TRPC5: variants seen among roughly 807,000 people sequenced by gnomAD.
The protein encoded by TRPC5 is transient receptor potential cation channel subfamily C member 5, also known as short transient receptor potential channel 5.
In TRPC5, 9 loss-of-function variants were observed where a neutral mutation model predicts 56.5. The observed-to-expected ratio is 0.16, with a 90% CI of 0.10 to 0.28. The LOEUF (loss-of-function observed/expected upper bound fraction) is 0.28, where lower values mean the gene tolerates loss of function less well. Among genes scored for constraint, TRPC5 ranks in the 10% least tolerant of loss-of-function variants. The pLI is 1.00. For synonymous variants in TRPC5, 282 were observed against 278.5 expected, an observed-to-expected ratio of 1.01 and a Z score of -0.13; for missense variants, 469 against 748.9, an observed-to-expected ratio of 0.63 and a Z score of 4.36.
At chrX:111,969,194 T>C (rs1224722764) in intron 1 of TRPC5, among the ~76,000 whole-genome samples, 1 of 111,089 alleles carries the variant, frequency 9.0e-6, no homozygotes, top group African/African-American at 3.3e-5. Context: ...AAAACTCAGA[T>C]AATCGTTAAC....
At chrX:111,787,241 G>C (rs752886474) in intron 7 of TRPC5, among the ~76,000 whole-genome samples, 11 of 111,524 alleles carry the variant, frequency 9.9e-5, no homozygotes, top group Non-Finnish European at 1.9e-4. Context: ...TAGAACTCAG[G>C]GTTAAGAAAA....
chrX:111,875,614 C>T (rs1461013101), intron 3 of TRPC5, among the ~76,000 whole-genome samples: 2 of 97,035 alleles, frequency 2.1e-5, no homozygotes, highest in Non-Finnish European at 4.0e-5. Context: ...AAATCCTTCC[C>T]TTGTGTTGCA....
At chrX:111,785,378 A>G (rs138141963) in intron 7 of TRPC5, among the ~76,000 whole-genome samples, 1,354 of 112,007 alleles carry the variant, frequency 0.012, 11 homozygotes, top group African/African-American at 0.034. Context: ...ATCAACAAAA[A>G]GGTCATCTAT....
intron 2 of TRPC5, among the ~76,000 whole-genome samples, chrX:111,915,408 C>T (rs1285819525): frequency 7.2e-5 from 8 of 111,630 alleles, no homozygotes; most frequent in Non-Finnish European, 1.3e-4. Context: ...TTTTTCTCCT[C>T]CTATCAGTGT....
intron 1 of TRPC5, among the ~76,000 whole-genome samples, chrX:112,017,424 G>A (rs1038585396): frequency 3.6e-5 from 4 of 110,886 alleles, no homozygotes; most frequent in African/African-American, 1.3e-4. Flanking sequence ...ACTATTTTCG[G>A]CCCCAGTGAT....
Position 112,004,834 on chromosome X carries a change from C to T in TRPC5, c.-21-52393G>A, listed in dbSNP as rs142515912. On this transcript the variant is annotated intron_variant, in intron 1 of 10. Transcript: ENST00000262839. ...GGAGGGTAGAGTGCATGGGTAGGGG[C>T]GGCAAAAAATAAACAGGGTCATATT... 2.8e-3 allele frequency among the ~76,000 whole-genome samples: 304 copies of T among 110,430 alleles called. 1 individual carries two copies. The highest frequency in any genetic ancestry group is 9.4e-3 in the African/African-American group (285 of 30,362).
At chrX:111,789,154 A>T (rs752349321) in intron 7 of TRPC5, among the ~76,000 whole-genome samples, 2 of 111,993 alleles carry the variant, frequency 1.8e-5, no homozygotes, top group African/African-American at 6.5e-5. Flanking sequence ...ACACTACCTG[A>T]CTTCAAACTA....
At chrX:111,949,927 A>G (rs762102551) in intron 2 of TRPC5, among the ~76,000 whole-genome samples, 15 of 112,070 alleles carry the variant, frequency 1.3e-4, no homozygotes, top group Non-Finnish European at 2.8e-4. Context: ...CACAATTGCA[A>G]AAACGTGGAA....
chrX:111,916,227 C>T (rs1925972415), intron 2 of TRPC5, among the ~76,000 whole-genome samples: 1 of 111,957 alleles, frequency 8.9e-6, no homozygotes, highest in Non-Finnish European at 1.9e-5. Flanking sequence ...CCTTGGACCT[C>T]TCCTTCCCAT....
chrX:111,787,710 A>G (rs972589523), intron 7 of TRPC5, among the ~76,000 whole-genome samples: 4 of 111,730 alleles, frequency 3.6e-5, no homozygotes, highest in African/African-American at 1.3e-4. Flanking sequence ...AATCGATGCA[A>G]TAAAAAACGA....
intron 2 of TRPC5, among the ~76,000 whole-genome samples, chrX:111,935,396 A>G (rs1926538504): frequency 9.0e-6 from 1 of 111,620 alleles, no homozygotes; most frequent in Admixed American, 9.5e-5. Context: ...TAGTGTGCAA[A>G]TATTTTCTCT....
chrX:111,893,832 A>G (rs1209509207), intron 3 of TRPC5, among the ~76,000 whole-genome samples: 2 of 111,612 alleles, frequency 1.8e-5, no homozygotes, highest in Non-Finnish European at 3.8e-5. Context: ...TAAAGGCAAA[A>G]GTTTGTAGCT....
At chrX:111,903,107 G>A (rs924636476) in intron 3 of TRPC5, 6 of 111,440 alleles carry the variant, frequency 5.4e-5, no homozygotes, top group African/African-American at 2.0e-4. Context: ...TGGGTCACCT[G>A]AACAGATTGT....
intron 3 of TRPC5, among the ~76,000 whole-genome samples, chrX:111,894,006 G>C (rs1398529502): frequency 9.0e-6 from 1 of 111,467 alleles, no homozygotes; most frequent in African/African-American, 3.3e-5. Context: ...TATGTCTGTA[G>C]GTGTTTTTTA....
intron 7 of TRPC5, among the ~76,000 whole-genome samples, chrX:111,816,064 G>A (rs1398005170): frequency 9.0e-6 from 1 of 111,342 alleles, no homozygotes; most frequent in Non-Finnish European, 1.9e-5. Context: ...TAATGAATGA[G>A]AGAGGGAGGG....
chrX:111,967,964 T>C (rs1927651635), intron 1 of TRPC5, among the ~76,000 whole-genome samples: 2 of 110,111 alleles, frequency 1.8e-5, no homozygotes, highest in Admixed American at 1.9e-4. Context: ...AAAGCCAAAA[T>C]TGACAAATGG....
At chrX:111,952,462 A>C (rs755058217) in intron 1 of TRPC5, 21 bp from the exon 2 acceptor site, 2 of 1,168,381 alleles carry the variant, frequency 1.7e-6, no homozygotes, top group East Asian at 6.0e-5. Flanking sequence ...AAACAGAGAA[A>C]GACCAAAATA....
At chrX:111,819,944 A>T (rs1187233775) in intron 7 of TRPC5, among the ~76,000 whole-genome samples, 1 of 112,081 alleles carries the variant, frequency 8.9e-6, no homozygotes, top group Non-Finnish European at 1.9e-5. Flanking sequence ...CTCATCTGTA[A>T]CATTCAGATA....
Position 112,039,018 on chromosome X carries a change from T to G in TRPC5, c.-22+42861A>C, listed in dbSNP as rs1324330812. Among the ~76,000 whole-genome samples the G allele has an allele frequency of 2.7e-5, 3 of 110,271 alleles. No individual in the cohort carries two copies. In the Admixed American group the frequency reaches 2.9e-4, roughly 11 times the overall value. ...GGGGCCTCACTTTTAAGGAAGCACATGAGTTAAAGTGCACAGACTTGGTGC... is the reference window on the plus strand; with the variant it reads ...GGGGCCTCACTTTTAAGGAAGCACAGGAGTTAAAGTGCACAGACTTGGTGC... On this transcript the variant is annotated intron_variant, in intron 1 of 10. Coordinates refer to ENST00000262839, the MANE Select transcript of TRPC5 (RefSeq NM_012471.3).
Sources: allele counts gnomAD v4.1 joint callset (sites outside exome capture counted in the v4.1 genomes callset), GRCh38; gene constraint gnomAD v4.1.1; transcripts MANE v1.5; gene names NCBI Gene and HGNC (gene_info 2026-07-23, HGNC 2026-07-21).